The following TTC39B variants were observed in gnomAD, a reference collection of about 807,000 sequenced individuals.
TTC39B encodes tetratricopeptide repeat domain 39B.
A neutral mutation model predicts 96.6 loss-of-function variants in TTC39B; 92 were observed. The observed-to-expected ratio is 0.95, with a 90% confidence interval of 0.80 to 1.13. The LOEUF is 1.13. TTC39B is among the 50% of genes most tolerant of loss of function. TTC39B has a pLI of 0.00. For missense variants in TTC39B, 955 were observed against 809.3 expected (o/e 1.18, Z -2.18); for synonymous variants, 367 against 299.4 (o/e 1.23, Z -2.33).
intron 1 of TTC39B, among the ~76,000 whole-genome samples, chr9:15,285,152 C>G (rs7018992): frequency 0.47 from 70,615 of 151,526 alleles, 16,938 homozygotes; most frequent in East Asian, 0.73. Flanking sequence ...GTAGTCCCAG[C>G]TACTCGGGGC....
rs1818650004 is a variant in TTC39B at position 15,188,244 on chromosome 9, T to A, written c.1234-112A>T. 14 of 1,017,950 alleles carry A rather than the reference T, an allele frequency of 1.4e-5. No individual in the cohort carries two copies. In the South Asian group the frequency reaches 2.5e-4, roughly 18 times the overall value. 63.1% of individuals were successfully genotyped at this position (1,017,950 alleles called of 1,614,324 possible). On this transcript the variant is annotated intron_variant, in intron 13 of 19. Transcript: ENST00000512701. ...CAAAAAGGACAAAATTATCACTCATTAAACCTCTCAATATGATGATATGTT... is the reference window on the plus strand; with the variant it reads ...CAAAAAGGACAAAATTATCACTCATAAAACCTCTCAATATGATGATATGTT...
In TTC39B at chr9:15,183,357, A is replaced by G. The variant is rs1329143849; in HGVS notation, c.1615-942T>C. ...TAACAGAATCTTTTTTAAATTGATG[A>G]TGATCTTTTAAAAATTCCTTTTATT... On this transcript the variant is annotated intron_variant, in intron 16 of 19. Coordinates refer to ENST00000512701, the Ensembl canonical transcript of TTC39B. The G allele has an allele frequency of 1.4e-5, 6 of 436,372 alleles. No homozygotes were observed. The Admixed American group carries it at 1.6e-4, about 11-fold the overall frequency. The allele number at this position is 436,372 out of a possible 1,614,324, so 27.0% of individuals were successfully genotyped here.
chr9:15,164,675 T>C (rs1163651988), exon 20 of TTC39B: 1 of 152,226 alleles, frequency 6.6e-6, no homozygotes, highest in Non-Finnish European at 1.5e-5. Flanking sequence ...AAATCAATAT[T>C]TTTAAACACC....
intron 1 of TTC39B, among the ~76,000 whole-genome samples, chr9:15,295,484 T>C (rs10961964): frequency 0.4 from 61,467 of 152,054 alleles, 12,768 homozygotes; most frequent in African/African-American, 0.51. Flanking sequence ...CTGAGTGACC[T>C]CGGGCCAATC....
intron 2 of TTC39B, among the ~76,000 whole-genome samples, chr9:15,264,351 G>GA (rs903753891): frequency 3.3e-5 from 5 of 151,652 alleles, no homozygotes; most frequent in South Asian, 2.1e-4. Flanking sequence ...GCCACAGGAG[G>GA]AAAAAAAATG....
chr9:15,263,044 A>G (rs1219756066), intron 2 of TTC39B, among the ~76,000 whole-genome samples: 2 of 152,230 alleles, frequency 1.3e-5, no homozygotes, highest in Non-Finnish European at 1.5e-5. Flanking sequence ...TTTACAATTA[A>G]CATGTATTTA....
intron 2 of TTC39B, among the ~76,000 whole-genome samples, chr9:15,243,415 A>C (rs1030106859): frequency 6.6e-6 from 1 of 152,224 alleles, no homozygotes; most frequent in African/African-American, 2.4e-5. Context: ...TTCATATACA[A>C]TACAAAGCAT....
exon 20 of TTC39B, chr9:15,169,798 A>G (rs1385430834): frequency 1.3e-5 from 2 of 152,226 alleles, no homozygotes; most frequent in Non-Finnish European, 1.5e-5. Context: ...TTAAATGGAG[A>G]TGAATTTCTT....
intron 2 of TTC39B, among the ~76,000 whole-genome samples, chr9:15,244,898 GACA>G (rs1481006917): frequency 1.3e-5 from 2 of 152,052 alleles, no homozygotes; most frequent in Non-Finnish European, 2.9e-5. Context: ...AGACAATTCT[GACA>G]ACAAGTTTTC....
At chr9:15,223,416 C>T (rs1301485059) in intron 3 of TTC39B, among the ~76,000 whole-genome samples, 1 of 152,234 alleles carries the variant, frequency 6.6e-6, no homozygotes, top group Admixed American at 6.5e-5. Flanking sequence ...CACTTGACAT[C>T]CGGGGTGTCT....
intron 2 of TTC39B, among the ~76,000 whole-genome samples, chr9:15,246,404 G>T (rs1822279149): frequency 6.6e-6 from 1 of 152,170 alleles, no homozygotes; most frequent in African/African-American, 2.4e-5. Context: ...TTTAGTTGAG[G>T]AGTTTAAGGT....
At chr9:15,195,820 T>C (rs765361016) in intron 8 of TTC39B, among the ~76,000 whole-genome samples, 5 of 152,190 alleles carry the variant, frequency 3.3e-5, no homozygotes, top group Non-Finnish European at 7.3e-5. Flanking sequence ...AATGGCCTTC[T>C]ATTGGAAGAA....
At chr9:15,210,163 A>C in exon 6 of TTC39B, 1 of 1,576,778 alleles carries the variant, frequency 6.3e-7, no homozygotes. Context: ...TTTTTCCTGT[A>C]TCTACATTGA....
At chr9:15,261,917 T>C (rs1237183618) in intron 2 of TTC39B, among the ~76,000 whole-genome samples, 1 of 152,136 alleles carries the variant, frequency 6.6e-6, no homozygotes, top group Admixed American at 6.6e-5. Flanking sequence ...GCACTAGAAG[T>C]GCAAACCAGC....
chr9:15,265,980 G>A (rs1823116001), intron 2 of TTC39B, among the ~76,000 whole-genome samples: 1 of 152,210 alleles, frequency 6.6e-6, no homozygotes, highest in Non-Finnish European at 1.5e-5. Flanking sequence ...ACGACTAAAT[G>A]TAAAGTGGTA....
chr9:15,214,837 A>G (rs1461730983), intron 3 of TTC39B, among the ~76,000 whole-genome samples: 1 of 152,232 alleles, frequency 6.6e-6, no homozygotes, highest in Non-Finnish European at 1.5e-5. Context: ...TTATATATTA[A>G]TCACTTATGA....
intron 2 of TTC39B, among the ~76,000 whole-genome samples, chr9:15,257,041 G>A (rs1006127904): frequency 3.3e-5 from 5 of 152,192 alleles, no homozygotes; most frequent in African/African-American, 1.2e-4. Flanking sequence ...GACAGTCGGA[G>A]AAATTTGAGC....
rs141929453 is a variant in TTC39B at position 15,293,268 on chromosome 9, T to A, written c.240+13816A>T. On this transcript the variant is annotated intron_variant, in intron 1 of 19. Transcript: ENST00000512701. ...TAGTAGGCTGTACCATCTAGGATTG[T>A]GTAAGTGCACTATGATGCTGGCACA... Among the ~76,000 whole-genome samples the A allele has an allele frequency of 1.1e-3, 174 of 152,258 alleles. 1 individual carries two copies. Among genetic ancestry groups the A allele is most frequent in the African/African-American group, 3.8e-3 (159 of 41,564 alleles).
chr9:15,274,557 A>T (rs761030917), intron 1 of TTC39B, among the ~76,000 whole-genome samples: 2 of 152,172 alleles, frequency 1.3e-5, no homozygotes, highest in Non-Finnish European at 2.9e-5. Context: ...CCTTTGTGAA[A>T]CCTTAACTGA....
Sources: gnomAD v4.1 joint callset for allele counts (sites outside exome capture counted in the v4.1 genomes callset) on GRCh38, gnomAD v4.1.1 for gene constraint, MANE v1.5 for transcripts, NCBI Gene and HGNC (gene_info 2026-07-23, HGNC 2026-07-21) for gene names.